Variants in ZNF518A observed in about 807,000 individuals in gnomAD.
ZNF518A encodes zinc finger protein 518.
A neutral mutation model predicts 102.7 loss-of-function variants in ZNF518A; 47 were observed. The observed-to-expected ratio is 0.46, with a 90% CI of 0.36 to 0.58. The LOEUF is 0.58. ZNF518A is among the 20% of genes least tolerant of loss of function. The pLI, the probability that ZNF518A is intolerant of heterozygous loss-of-function variation, is 0.00. For synonymous variants in ZNF518A, 652 were observed against 594.6 expected, an observed-to-expected ratio of 1.10 and a Z score of -1.40; for missense variants, 1,793 against 1,699.8, an observed-to-expected ratio of 1.05 and a Z score of -0.96.
At chr10:96,144,263 G>A (rs1033850542) in intron 3 of ZNF518A, among the ~76,000 whole-genome samples, 10 of 151,750 alleles carry the variant, frequency 6.6e-5, no homozygotes, top group African/African-American at 2.4e-4. Context: ...TAGGATTATA[G>A]GCATGAGTCA....
chr10:96,171,326 A>G (rs587686354), intron 1 of ZNF518A, among the ~76,000 whole-genome samples: 52 of 152,346 alleles, frequency 3.4e-4, no homozygotes, highest in African/African-American at 1.2e-3. Context: ...AAATGTGTAT[A>G]TCTATACAAT....
rs373771544 is a variant in ZNF518A, at chr10:96,157,761, G to A, written c.1439G>A (p.Gly480Asp). ...TCACAGTCAGGTGCTGCAAAGGACGGTACTGCTAATTTGCAGCCCCAGACT... is the reference window on the plus strand; with the variant it reads ...TCACAGTCAGGTGCTGCAAAGGACGATACTGCTAATTTGCAGCCCCAGACT... Reference protein sequence around the residue: ...PGSQSGAAKDGTANLQPQTLD... With the variant: ...PGSQSGAAKDDTANLQPQTLD... Residue 480 changes from glycine (G) to aspartate (D), a missense_variant, in exon 6 of 6, where the codon GGT (glycine) becomes GAT (aspartate). Physicochemically the swap from Gly to Asp is moderately conservative, Grantham distance 94 (BLOSUM62 -1). This residue lies in a region of ZNF518A where 1,741 missense variants were observed against 1,622.6 expected (regional missense o/e 1.07). Coordinates refer to ENST00000316045, the MANE Select transcript of ZNF518A (RefSeq NM_001330736.2). 1.2e-6 allele frequency: 2 copies of A among 1,613,704 alleles called. No individual in the cohort carries two copies. Among genetic ancestry groups the A allele is most frequent in the African/African-American group, 2.7e-5 (2 of 74,906 alleles).
downstream of ZNF518A, among the ~76,000 whole-genome samples, chr10:96,165,470 C>CAA (rs35332637): frequency 2.9e-3 from 326 of 112,324 alleles, 4 homozygotes; most frequent in Non-Finnish European, 5.0e-3. Flanking sequence ...CAACAACAAC[C>CAA]AAAAAAAAAA....
intron 1 of ZNF518A, among the ~76,000 whole-genome samples, chr10:96,179,141 T>A (rs1400026573): frequency 6.6e-6 from 1 of 152,114 alleles, no homozygotes; most frequent in Non-Finnish European, 1.5e-5. Flanking sequence ...ATGTCTATGT[T>A]AAAATCCTTA....
chr10:96,130,192 C>T (rs1172959), upstream of ZNF518A: 145,256 of 152,954 alleles, frequency 0.95, 69,394 homozygotes, highest in East Asian at 1. Context: ...AGCAGGCAAA[C>T]GGCGAGTTTG....
At position 96,160,038 on chromosome 10, in the gene ZNF518A, G is replaced by A; in HGVS notation, c.3716G>A (p.Cys1239Tyr). The A allele has an allele frequency of 6.2e-7, 1 of 1,610,842 alleles. No homozygotes were observed. The highest frequency in any genetic ancestry group is 8.5e-7 in the Non-Finnish European group (1 of 1,179,040). ...ESRVLRCKTN[C>Y]RIERNFNRKK... ...AGGGTATTAAGGTGTAAAACAAATT[G>A]TAGAATTGAGAGGAACTTCAATAGA... Residue 1239 changes from cysteine (C) to tyrosine (Y), a missense_variant, in exon 6 of 6, where the codon TGT becomes TAT. Coordinates refer to ENST00000316045, the MANE Select transcript of ZNF518A (RefSeq NM_001330736.2).
intron 1 of ZNF518A, among the ~76,000 whole-genome samples, chr10:96,176,913 A>C (rs972417774): frequency 6.6e-5 from 10 of 151,858 alleles, no homozygotes; most frequent in Non-Finnish European, 1.0e-4. Flanking sequence ...AACAAACAAA[A>C]AGCAATAAAA....
chr10:96,157,257 A>G lies in ZNF518A; in HGVS notation c.935A>G (p.Lys312Arg), dbSNP rs1554883176. ...ATGGCAAAGACTTCTGCAGGACTTA[A>G]GCTAATACTGAAAAGATATAAAATA... is the stretch of plus-strand genomic sequence containing the variant. ...KRMAKTSAGLKLILKRYKIGA... is the reference protein window; with the variant it reads ...KRMAKTSAGLRLILKRYKIGA... The change falls in exon 6 of 6, where the codon AAG becomes AGG. Residue 312 changes from lysine to arginine, a missense_variant. Lys to Arg is a conservative substitution (Grantham distance 26). This residue lies in a region of ZNF518A where 1,741 missense variants were observed against 1,622.6 expected (regional missense o/e 1.07). Transcript: ENST00000316045. 6.2e-7 allele frequency: 1 copy of G among 1,611,534 alleles called. No individual in the cohort carries two copies. Among genetic ancestry groups the G allele is most frequent in the Non-Finnish European group, 8.5e-7 (1 of 1,178,928 alleles).
At position 96,160,440 on chromosome 10, in the gene ZNF518A, A is replaced by T. The variant is rs1554887250; in HGVS notation, c.4118A>T (p.His1373Leu). 3 of 1,613,538 alleles carry T rather than the reference A, an allele frequency of 1.9e-6. No homozygotes were observed. Among genetic ancestry groups the T allele is most frequent in the South Asian group, 1.1e-5 (1 of 91,030 alleles). The change falls in exon 6 of 6, where the codon CAT becomes CTT. Residue 1373 changes from histidine (H) to leucine (L), a missense_variant. By Grantham distance (99) the His-to-Leu change is moderately conservative. Coordinates refer to ENST00000316045, the MANE Select transcript of ZNF518A (RefSeq NM_001330736.2). ...VMKTIAKFNG[H>L]VLKVSLSKRT... Reference sequence around the variant, plus strand: ...AAAACTATTGCTAAATTTAATGGACATGTACTTAAGGTTTCATTGTCAAAA... The same window carrying T: ...AAAACTATTGCTAAATTTAATGGACTTGTACTTAAGGTTTCATTGTCAAAA...
chr10:96,189,046 T>C (rs1402695345), intron 1 of ZNF518A, among the ~76,000 whole-genome samples: 1 of 152,232 alleles, frequency 6.6e-6, no homozygotes, highest in African/African-American at 2.4e-5. Flanking sequence ...CCATGCTACT[T>C]TATTAAAATG....
At chr10:96,139,713 CAG>C (rs2081815971) in intron 3 of ZNF518A, among the ~76,000 whole-genome samples, 1 of 152,070 alleles carries the variant, frequency 6.6e-6, no homozygotes, top group African/African-American at 2.4e-5. Flanking sequence ...AGGATGGACT[CAG>C]AGGAGGGTGG....
chr10:96,154,115 A>T (rs1188979564), intron 3 of ZNF518A, among the ~76,000 whole-genome samples: 2 of 152,178 alleles, frequency 1.3e-5, no homozygotes, highest in African/African-American at 4.8e-5. Context: ...TAATCAACTC[A>T]TATAATTCTT....
In ZNF518A at chr10:96,140,251, T is replaced by C. The variant is rs113261806; in HGVS notation, c.-302+6603T>C. The stretch of plus-strand genomic sequence containing the variant: ...GGAATCAAGGATGAGTCTTGATTTC[T>C]GGGTTGTGGAACTGTATGAATTTTA... On this transcript the variant is annotated intron_variant, in intron 3 of 5. Coordinates refer to ENST00000316045, the MANE Select transcript of ZNF518A (RefSeq NM_001330736.2). 3.7e-4 allele frequency among the ~76,000 whole-genome samples: 57 copies of C among 152,298 alleles called. 2 individuals carry two copies. Among genetic ancestry groups the C allele is most frequent in the African/African-American group, 1.3e-3 (54 of 41,566 alleles).
At chr10:96,137,211 G>C (rs587739479) in intron 3 of ZNF518A, among the ~76,000 whole-genome samples, 1 of 151,886 alleles carries the variant, frequency 6.6e-6, no homozygotes, top group Non-Finnish European at 1.5e-5. Context: ...GATTCCGTCC[G>C]TTCTAACCTG....
chr10:96,145,771 A>G (rs1554878291), intron 3 of ZNF518A, among the ~76,000 whole-genome samples: 1 of 152,252 alleles, frequency 6.6e-6, no homozygotes, highest in Non-Finnish European at 1.5e-5. Flanking sequence ...TTTACCACAG[A>G]AATCACTTGC....
At chr10:96,135,602 C>A (rs1182855640) in intron 3 of ZNF518A, among the ~76,000 whole-genome samples, 1 of 152,222 alleles carries the variant, frequency 6.6e-6, no homozygotes, top group Non-Finnish European at 1.5e-5. Flanking sequence ...GTATGTGCAA[C>A]TGCCTGGATA....
chr10:96,136,942 G>A (rs1160726111), intron 3 of ZNF518A, among the ~76,000 whole-genome samples: 1 of 152,192 alleles, frequency 6.6e-6, no homozygotes, highest in African/African-American at 2.4e-5. Context: ...TGGGCCATAT[G>A]GTTTCTGGTG....
chr10:96,146,178 A>G (rs1461378854), intron 3 of ZNF518A, among the ~76,000 whole-genome samples: 1 of 152,158 alleles, frequency 6.6e-6, no homozygotes, highest in Admixed American at 6.5e-5. Flanking sequence ...TTTAAATTGC[A>G]TAATATTCCC....
intron 3 of ZNF518A, among the ~76,000 whole-genome samples, chr10:96,146,314 G>T (rs2082170945): frequency 6.6e-6 from 1 of 152,170 alleles, no homozygotes; most frequent in East Asian, 1.9e-4. Context: ...TTCTAGAAGT[G>T]AATCAGAAGT....
Sources: gnomAD v4.1 joint callset for allele counts (sites outside exome capture counted in the v4.1 genomes callset) on GRCh38, gnomAD v4.1.1 for gene constraint, gnomAD v4.1.1 regional missense constraint, MANE v1.5 for transcripts, NCBI Gene and HGNC (gene_info 2026-07-23, HGNC 2026-07-21) for gene names.